Variants in MESP1 observed in about 807,000 individuals in gnomAD.
MESP1 encodes mesoderm posterior protein 1.
MESP1 carries 22 observed loss-of-function variants against 15.2 expected under a neutral mutation model. The ratio of observed to expected loss-of-function variants is 1.45; its 90% CI spans 1.04 to 2.07. MESP1 has a LOEUF of 2.07. Ranked by LOEUF, MESP1 falls within the 30% of genes most tolerant of loss-of-function variation. MESP1 has a pLI of 0.00. For synonymous variants in MESP1, 216 were observed against 192.6 expected, an observed-to-expected ratio of 1.12 and a Z score of -1.01; for missense variants, 484 against 411.9, an observed-to-expected ratio of 1.17 and a Z score of -1.51.
Position 89,750,800 on chromosome 15 carries a change from C to A in MESP1, c.432G>T (p.Glu144Asp). 1 of 1,524,100 alleles carries A rather than the reference C, an allele frequency of 6.6e-7. No homozygotes were observed. The highest frequency in any genetic ancestry group is 8.8e-7 in the Non-Finnish European group (1 of 1,141,930). The allele number at this position is 1,524,100 out of a possible 1,614,324, so 94.4% of individuals were successfully genotyped here. A position where few individuals can be genotyped will look rare whatever the true frequency, so the allele number is the denominator to read the frequency against. Residue 144 changes from glutamate to aspartate, a missense_variant, in exon 1 of 2, where the codon GAG becomes GAT. By Grantham distance (45) the Glu-to-Asp change is conservative. Coordinates refer to ENST00000300057, the MANE Select transcript of MESP1 (RefSeq NM_018670.4). ...GCCGGCACCGGCGCTGGAGACTCTC[C>A]TCGCTGAGGCCTAGCACGGCCGACA... is the stretch of plus-strand genomic sequence containing the variant. ...GHLSAVLGLS[E>D]ESLQRRCRQR...
chr15:89,733,181 C>A, the MESP1 span: 84 of 1,613,874 alleles, frequency 5.2e-5, no homozygotes, highest in Non-Finnish European at 6.8e-5. Flanking sequence ...TGGAGGCTAG[C>A]GGGACCCAAG....
At position 89,750,671 on chromosome 15, in the gene MESP1, G is replaced by T. The variant is rs748040179; in HGVS notation, c.561C>A (p.Arg187=). The change falls in exon 1 of 2, where the codon CGC becomes CGA. Residue 187 remains arginine, a synonymous_variant. Coordinates refer to ENST00000300057, the MANE Select transcript of MESP1 (RefSeq NM_018670.4). ...GGACGGCGGATACCAGGCCCAGCCC[G>T]CGCCCCTGCCCCTGCCCCTCAGCCT... ...RTQAEGQGQG[R]GLGLVSAVRA... is the part of the protein sequence containing the mutation. The T allele has an allele frequency of 1.6e-5, 22 of 1,360,810 alleles. No individual in the cohort carries two copies. In the African/African-American group the frequency reaches 2.9e-4, roughly 18 times the overall value. The allele number at this position is 1,360,810 out of a possible 1,614,324, so 84.3% of individuals were successfully genotyped here.
At chr15:89,735,664 C>A in the MESP1 span, 1 of 1,094,110 alleles carries the variant, frequency 9.1e-7, no homozygotes, top group Non-Finnish European at 1.4e-6. Context: ...ATGTGTTAGG[C>A]ACTGGACTAG....
chr15:89,747,366 G>T (rs1458732075), downstream of MESP1, among the ~76,000 whole-genome samples: 1 of 152,240 alleles, frequency 6.6e-6, no homozygotes, highest in Admixed American at 6.5e-5. Context: ...CCGGCCAAGG[G>T]TCGCTGCTCT....
Position 89,750,231 on chromosome 15 carries a change from T to C in MESP1, c.724-4A>G, listed in dbSNP as rs1469105527. The C allele has an allele frequency of 6.2e-7, 1 of 1,613,768 alleles. No homozygotes were observed. The highest frequency in any genetic ancestry group is 1.3e-5 in the African/African-American group (1 of 74,994). The stretch of plus-strand genomic sequence containing the variant: ...CCAGCACGTCGCCCGGAAGGAGCTG[T>C]AGGGAGAGACGGAACAGCGCAGCCC... On this transcript the variant is annotated splice_polypyrimidine_tract_variant and splice_region_variant and intron_variant, in intron 1 of 1. Transcript: ENST00000300057.
At chr15:89,735,352 A>AT in the MESP1 span, 2 of 736,246 alleles carry the variant, frequency 2.7e-6, no homozygotes, top group African/African-American at 1.8e-5. Flanking sequence ...ATTGTTCTTA[A>AT]TTTTTTGCTA....
chr15:89,735,453 A>C, the MESP1 span: 1 of 1,605,466 alleles, frequency 6.2e-7, no homozygotes, highest in Non-Finnish European at 8.5e-7. Flanking sequence ...TTAAACTCTT[A>C]AAGTAGGAGA....
chr15:89,743,053 G>A, the MESP1 span, among the ~76,000 whole-genome samples: 16 of 152,084 alleles, frequency 1.1e-4, no homozygotes, highest in African/African-American at 2.2e-4. Flanking sequence ...TCCTCAGCTC[G>A]CCATCCTGTC....
At chr15:89,742,250 T>C in the MESP1 span, among the ~76,000 whole-genome samples, 1 of 152,168 alleles carries the variant, frequency 6.6e-6, no homozygotes, top group East Asian at 1.9e-4. Flanking sequence ...AAAAAATTAA[T>C]TAATTAAATT....
chr15:89,738,259 C>T, the MESP1 span: 1 of 1,561,378 alleles, frequency 6.4e-7, no homozygotes, highest in Admixed American at 2.0e-5. Context: ...GTGTCTTCAC[C>T]CCCTCCCACA....
At chr15:89,750,269 G>A (rs984078484) in intron 1 of MESP1, 42 bp from the exon 2 acceptor site, 7 of 1,607,186 alleles carry the variant, frequency 4.4e-6, no homozygotes, top group African/African-American at 2.7e-5. Context: ...AAGCACTGGT[G>A]GCCTTGTGCG....
chr15:89,735,802 A>G, the MESP1 span, among the ~76,000 whole-genome samples: 2 of 152,178 alleles, frequency 1.3e-5, no homozygotes, highest in East Asian at 3.9e-4. Flanking sequence ...GGATTTTTTA[A>G]TGGATGCATG....
chr15:89,746,564 C>T (rs1408575987), downstream of MESP1, among the ~76,000 whole-genome samples: 12 of 149,696 alleles, frequency 8.0e-5, no homozygotes, highest in Non-Finnish European at 1.6e-4. Context: ...CACACATACA[C>T]ACAGCCCTGC....
chr15:89,740,089 AT>A, the MESP1 span, among the ~76,000 whole-genome samples: 3 of 151,954 alleles, frequency 2.0e-5, no homozygotes, highest in African/African-American at 4.8e-5. Context: ...ATGATGCCTG[AT>A]TTTTTTTGGC....
downstream of MESP1, among the ~76,000 whole-genome samples, chr15:89,745,524 A>G (rs556222506): frequency 1.8e-3 from 267 of 152,144 alleles, no homozygotes; most frequent in African/African-American, 6.2e-3. This position sits in a 1 kb window ranked among gnomAD's most constrained non-coding sequence, Gnocchi z 4.8. Context: ...AGCACTTTGG[A>G]AGGCTGAGGC....
Position 89,750,500 on chromosome 15 carries a change from G to T in MESP1, c.723+9C>A. On this transcript the variant is annotated intron_variant, in intron 1 of 1. Transcript: ENST00000300057. Reference sequence around the variant, plus strand: ...CGGACGAAGGGGGCGCGGGGAAGGGGACACTAACCGGGGACGGTGGGCTTG... The same window carrying T: ...CGGACGAAGGGGGCGCGGGGAAGGGTACACTAACCGGGGACGGTGGGCTTG... The T allele has an allele frequency of 6.7e-7, 1 of 1,495,404 alleles. No individual in the cohort carries two copies. Among genetic ancestry groups the T allele is most frequent in the South Asian group, 1.3e-5 (1 of 74,514 alleles). 92.6% of individuals were successfully genotyped at this position (1,495,404 alleles called of 1,614,324 possible). A position where few individuals can be genotyped will look rare whatever the true frequency, so the allele number is the denominator to read the frequency against.
At position 89,751,222 on chromosome 15, in the gene MESP1, G is replaced by T; in HGVS notation, c.10C>A (p.Pro4Thr). The T allele has an allele frequency of 4.0e-6, 5 of 1,242,134 alleles. No individual in the cohort carries two copies. The highest frequency in any genetic ancestry group is 5.0e-6 in the Non-Finnish European group (5 of 994,316). The allele number at this position is 1,242,134 out of a possible 1,614,324, so 76.9% of individuals were successfully genotyped here. ...GACTCGGAGAGCGGCGGGCACAGGGGCTGGGCCATGGCAGCGGCGGCGCGT... is the reference window on the plus strand; with the variant it reads ...GACTCGGAGAGCGGCGGGCACAGGGTCTGGGCCATGGCAGCGGCGGCGCGT... MAQ[P>T]LCPPLSESWM... is the part of the protein sequence containing the mutation. The change falls in exon 1 of 2, where the codon CCC becomes ACC. Residue 4 changes from proline (P) to threonine (T), a missense_variant. Coordinates refer to ENST00000300057, the MANE Select transcript of MESP1 (RefSeq NM_018670.4).
At chr15:89,745,226 G>A (rs1967908256), downstream of MESP1, among the ~76,000 whole-genome samples, 1 of 152,188 alleles carries the variant, frequency 6.6e-6, no homozygotes, top group South Asian at 2.1e-4. The surrounding 1 kb of genome is among the most constrained non-coding windows in gnomAD (Gnocchi z 4.8). Flanking sequence ...GCGTGTGAGG[G>A]GAGAGCGGGT....
chr15:89,739,394 CCTTT>C, the MESP1 span, among the ~76,000 whole-genome samples: 1 of 152,152 alleles, frequency 6.6e-6, no homozygotes, highest in Non-Finnish European at 1.5e-5. Flanking sequence ...ATCTAAGACC[CCTTT>C]CTTTTACCCA....
Sources: allele counts gnomAD v4.1 joint callset (sites outside exome capture counted in the v4.1 genomes callset), GRCh38; gene constraint gnomAD v4.1.1; non-coding constraint Gnocchi (gnomAD v3.1); transcripts MANE v1.5; gene names NCBI Gene and HGNC (gene_info 2026-07-23, HGNC 2026-07-21).